PDE7B: variants seen among roughly 807,000 people sequenced by gnomAD.
The protein encoded by PDE7B is phosphodiesterase 7B.
In PDE7B, 29 loss-of-function variants were observed where a neutral mutation model predicts 56.2. The observed-to-expected ratio is 0.52, with a 90% CI of 0.38 to 0.70. PDE7B has a LOEUF of 0.70. PDE7B is among the 30% of genes least tolerant of loss of function. The pLI is 0.00. For synonymous variants in PDE7B, 197 were observed against 196.9 expected, an observed-to-expected ratio of 1.00 and a Z score of 0.00; for missense variants, 490 against 565.0, an observed-to-expected ratio of 0.87 and a Z score of 1.35.
intron 2 of PDE7B, among the ~76,000 whole-genome samples, chr6:136,019,962 A>G (rs1363863276): frequency 6.6e-6 from 1 of 152,198 alleles, no homozygotes; most frequent in Non-Finnish European, 1.5e-5. Flanking sequence ...GAGACAGAAG[A>G]AAATCTACTT....
intron 2 of PDE7B, among the ~76,000 whole-genome samples, chr6:136,009,472 G>C (rs1263733214): frequency 3.9e-5 from 6 of 152,090 alleles, no homozygotes; most frequent in Non-Finnish European, 8.8e-5. Context: ...CATGAGCATG[G>C]AATGTTCTTC....
intron 3 of PDE7B, among the ~76,000 whole-genome samples, chr6:136,142,247 C>A (rs1326982207): frequency 2.0e-5 from 3 of 152,172 alleles, no homozygotes; most frequent in Admixed American, 6.5e-5. Context: ...TGTTCAGTTT[C>A]CATGTAGTTG....
At chr6:135,908,373 G>A (rs9399171) in intron 1 of PDE7B, among the ~76,000 whole-genome samples, 14 of 151,900 alleles carry the variant, frequency 9.2e-5, no homozygotes, top group South Asian at 8.3e-4. Flanking sequence ...GATTACAGGC[G>A]TGAGACACCG....
chr6:135,931,950 C>G (rs1039782852), intron 1 of PDE7B, among the ~76,000 whole-genome samples: 1 of 64,090 alleles, frequency 1.6e-5, no homozygotes, highest in Non-Finnish European at 2.9e-5. Context: ...CACACACGCG[C>G]GCGCACACAC....
At chr6:136,053,710 T>C (rs1234876793) in intron 2 of PDE7B, among the ~76,000 whole-genome samples, 4 of 152,156 alleles carry the variant, frequency 2.6e-5, no homozygotes, top group Admixed American at 1.3e-4. Flanking sequence ...CCACATCCTC[T>C]CCAGCACCTG....
intron 2 of PDE7B, among the ~76,000 whole-genome samples, chr6:136,078,717 G>C (rs1286805864): frequency 1.3e-5 from 2 of 152,030 alleles, no homozygotes; most frequent in East Asian, 3.8e-4. Flanking sequence ...ATTTGGGGTG[G>C]TGTAGGTCAT....
intron 2 of PDE7B, among the ~76,000 whole-genome samples, chr6:135,949,811 C>T (rs1774665881): frequency 6.6e-6 from 1 of 151,968 alleles, no homozygotes; most frequent in African/African-American, 2.4e-5. Flanking sequence ...ATAGGAATAA[C>T]AAGTATACAT....
intron 2 of PDE7B, among the ~76,000 whole-genome samples, chr6:136,096,936 A>G (rs796115826): frequency 2.6e-4 from 40 of 152,212 alleles, no homozygotes; most frequent in African/African-American, 9.2e-4. Flanking sequence ...ACTTTGTTCA[A>G]TCACCATTTC....
chr6:135,932,795 G>A (rs1774317188), intron 1 of PDE7B, among the ~76,000 whole-genome samples: 1 of 152,176 alleles, frequency 6.6e-6, no homozygotes, highest in African/African-American at 2.4e-5. Context: ...GTTTACACTT[G>A]CTTAATGATT....
At chr6:135,954,570 C>A (rs995697635) in intron 2 of PDE7B, among the ~76,000 whole-genome samples, 1 of 152,158 alleles carries the variant, frequency 6.6e-6, no homozygotes, top group Non-Finnish European at 1.5e-5. Flanking sequence ...CTGCTGTATG[C>A]CCAACCCTCT....
chr6:136,062,603 G>A (rs576429577), intron 2 of PDE7B, among the ~76,000 whole-genome samples: 1 of 152,238 alleles, frequency 6.6e-6, no homozygotes, highest in African/African-American at 2.4e-5. Context: ...GCATCAAAAT[G>A]TCAGGACAGA....
intron 2 of PDE7B, among the ~76,000 whole-genome samples, chr6:135,986,053 T>C (rs142702010): frequency 6.4e-4 from 98 of 152,286 alleles, no homozygotes; most frequent in African/African-American, 2.3e-3. Context: ...AAGGCACTCA[T>C]ATTGCTCACT....
intron 1 of PDE7B, among the ~76,000 whole-genome samples, chr6:135,917,584 G>A (rs1013097258): frequency 6.6e-6 from 1 of 151,154 alleles, no homozygotes; most frequent in Admixed American, 6.6e-5. Flanking sequence ...TTTCAAGTCT[G>A]CCTCTATTGA....
At chr6:136,001,669 G>C (rs1312996867) in intron 2 of PDE7B, among the ~76,000 whole-genome samples, 1 of 152,102 alleles carries the variant, frequency 6.6e-6, no homozygotes, top group African/African-American at 2.4e-5. Context: ...AAAAAGAAAT[G>C]AACAAAGCCT....
intron 8 of PDE7B, among the ~76,000 whole-genome samples, chr6:136,170,786 A>C: frequency 6.6e-6 from 1 of 152,112 alleles, no homozygotes; most frequent in East Asian, 1.9e-4. Flanking sequence ...AGCATGCACA[A>C]GTGTTAGCTC....
chr6:135,958,033 A>G (rs1200602820), intron 2 of PDE7B, among the ~76,000 whole-genome samples: 1 of 152,106 alleles, frequency 6.6e-6, no homozygotes, highest in African/African-American at 2.4e-5. Context: ...GGAGTTCAAG[A>G]CCAGCCTGGC....
chr6:136,047,700 TTAGAAA>T (rs747407683), intron 2 of PDE7B, among the ~76,000 whole-genome samples: 13 of 152,344 alleles, frequency 8.5e-5, no homozygotes, highest in Middle Eastern at 3.4e-3. Flanking sequence ...TATTTCCAAC[TTAGAAA>T]TAGAAGAAAT....
At chr6:135,930,555 C>T (rs768075960) in intron 1 of PDE7B, among the ~76,000 whole-genome samples, 21 of 151,958 alleles carry the variant, frequency 1.4e-4, no homozygotes, top group Non-Finnish European at 1.5e-4. Context: ...ACTGAGGGCC[C>T]ATGGTAGAAT....
At chr6:136,148,558 T>A (rs1360963678) in intron 4 of PDE7B, among the ~76,000 whole-genome samples, 1 of 151,602 alleles carries the variant, frequency 6.6e-6, no homozygotes. Flanking sequence ...TAATTCCCAA[T>A]ATTAGGCCTC....
Sources: allele counts gnomAD v4.1 joint callset (sites outside exome capture counted in the v4.1 genomes callset), GRCh38; gene constraint gnomAD v4.1.1; transcripts MANE v1.5; gene names NCBI Gene and HGNC (gene_info 2026-07-23, HGNC 2026-07-21).